The following CLCN6 variants were observed in gnomAD, a reference collection of about 807,000 sequenced individuals.
CLCN6 encodes the protein H(+)/Cl(-) exchange transporter 6.
A neutral mutation model predicts 109.8 loss-of-function variants in CLCN6; 70 were observed. The observed-to-expected ratio is 0.64, with a 90% CI of 0.53 to 0.78. The LOEUF is 0.78. Among genes scored for constraint, CLCN6 ranks in the 30% least tolerant of loss-of-function variants. The probability of loss-of-function intolerance (pLI) is 0.00; values close to 1 mark genes in which losing one functional copy is unlikely to be tolerated. For synonymous variants in CLCN6, 444 were observed against 447.8 expected (o/e 0.99, Z 0.11); for missense variants, 984 against 1,142.3 (o/e 0.86, Z 2.00).
chr1:11,830,896 C>T lies in CLCN6; in HGVS notation c.1248+1574C>T, dbSNP rs556760218. On this transcript the variant is annotated intron_variant, in intron 13 of 22. Coordinates refer to ENST00000346436, the MANE Select transcript of CLCN6 (RefSeq NM_001286.5). ...TTACCCAGGCCGGAGTGCAGTGGCG[C>T]GATCTTGGCCCACTGCAACTTCCGC... 5.9e-5 allele frequency among the ~76,000 whole-genome samples: 9 copies of T among 151,922 alleles called. No individual in the cohort carries two copies. In the South Asian group the frequency reaches 8.3e-4, roughly 14 times the overall value.
chr1:11,820,460 A>C (rs887519286), intron 5 of CLCN6: 7 of 700,488 alleles, frequency 1.0e-5, no homozygotes, highest in Non-Finnish European at 1.8e-5. Flanking sequence ...CAGAAGGCAC[A>C]GACTATAAGA....
chr1:11,815,414 G>T (rs1191406686), intron 2 of CLCN6, among the ~76,000 whole-genome samples: 1 of 152,144 alleles, frequency 6.6e-6, no homozygotes, highest in African/African-American at 2.4e-5. Flanking sequence ...GTTTGTTTTT[G>T]AAACGGAGTC....
At chr1:11,808,729 G>A (rs1375693542) in intron 2 of CLCN6, among the ~76,000 whole-genome samples, 1 of 149,826 alleles carries the variant, frequency 6.7e-6, no homozygotes, top group Non-Finnish European at 1.5e-5. Flanking sequence ...TAGGACCTGG[G>A]ATTTTCTACT....
chr1:11,828,196 T>C lies in CLCN6; in HGVS notation c.931T>C (p.Leu311=). Residue 311 remains leucine (L), a synonymous_variant, in exon 11 of 23, where the codon TTG becomes CTG. Transcript: ENST00000346436. Reference sequence around the variant, plus strand: ...CTGGGGTTCCTTCCAGCTCCCTGGATTGCTGAACTTTGGCGAGTTTAAGGT... The same window carrying C: ...CTGGGGTTCCTTCCAGCTCCCTGGACTGCTGAACTTTGGCGAGTTTAAGGT... ...GSWGSFQLPG[L]LNFGEFKCSD... is the part of the protein sequence containing the mutation. 5 of 1,614,046 alleles carry C rather than the reference T, an allele frequency of 3.1e-6. No individual in the cohort carries two copies. The highest frequency in any genetic ancestry group is 4.2e-6 in the Non-Finnish European group (5 of 1,179,904).
At position 11,829,289 on chromosome 1, in the gene CLCN6, G is replaced by A. The variant is rs374880026; in HGVS notation, c.1215G>A (p.Ser405=). The change falls in exon 13 of 23, where the codon TCG becomes TCA. Residue 405 remains serine, a synonymous_variant. Transcript: ENST00000346436. ...GAGAATGCCGACAGATGTCCTCTTC[G>A]AGTCAAATCGGTAATGACTCATTCC... The part of the protein sequence containing the change: ...VLGECRQMSS[S]SQIGNDSFQL... 9.9e-6 allele frequency: 16 copies of A among 1,614,006 alleles called. No individual in the cohort carries two copies. The highest frequency in any genetic ancestry group is 1.3e-5 in the Non-Finnish European group (15 of 1,180,012).
intron 18 of CLCN6, among the ~76,000 whole-genome samples, chr1:11,836,580 T>C (rs534697058): frequency 1.9e-3 from 285 of 152,228 alleles, no homozygotes; most frequent in African/African-American, 6.6e-3. Context: ...CTAGCAGACA[T>C]CCCTTGGGTA....
At chr1:11,811,069 G>A (rs941099131) in intron 2 of CLCN6, among the ~76,000 whole-genome samples, 3 of 151,998 alleles carry the variant, frequency 2.0e-5, no homozygotes, top group South Asian at 2.1e-4. Context: ...AAAAATTAAC[G>A]AGGTGTGGTG....
Position 11,822,739 on chromosome 1 carries a change from C to A in CLCN6, c.391C>A (p.Leu131Ile), listed in dbSNP as rs909779098. 6.2e-7 allele frequency: 1 copy of A among 1,614,008 alleles called. No individual in the cohort carries two copies. Among genetic ancestry groups the A allele is most frequent in the African/African-American group, 1.3e-5 (1 of 74,926 alleles). The change falls in exon 6 of 23, where the codon CTT becomes ATT. Residue 131 changes from leucine to isoleucine, a missense_variant. Physicochemically the swap from Leu to Ile is conservative, Grantham distance 5. Coordinates refer to ENST00000346436, the MANE Select transcript of CLCN6 (RefSeq NM_001286.5). ...GAAAGGCTGCCTCGCTCTGTCTCTCCTTGAACTCCTGGGTTTTAACCTCAC... is the reference window on the plus strand; with the variant it reads ...GAAAGGCTGCCTCGCTCTGTCTCTCATTGAACTCCTGGGTTTTAACCTCAC... ...SQKGCLALSL[L>I]ELLGFNLTFV...
At chr1:11,830,688 C>T (rs1050807030) in intron 13 of CLCN6, among the ~76,000 whole-genome samples, 2 of 147,122 alleles carry the variant, frequency 1.4e-5, no homozygotes, top group Non-Finnish European at 3.0e-5. Flanking sequence ...CCATTGGGGC[C>T]CTTGTCTTGG....
chr1:11,826,787 G>A (rs539421684), intron 9 of CLCN6, among the ~76,000 whole-genome samples: 101 of 152,262 alleles, frequency 6.6e-4, no homozygotes, highest in Non-Finnish European at 1.3e-3. Context: ...TGATCGTGCC[G>A]ATCTTTGATC....
At chr1:11,825,588 CA>C (rs765331739) in intron 8 of CLCN6, among the ~76,000 whole-genome samples, 6 of 152,202 alleles carry the variant, frequency 3.9e-5, no homozygotes, top group Non-Finnish European at 7.3e-5. Context: ...AAGCTCCTCC[CA>C]AGGGTGGGGG....
rs1644966427 is a variant in CLCN6, at chr1:11,837,552, G to A, written c.2295+53G>A. On this transcript the variant is annotated intron_variant, in intron 20 of 22. Coordinates refer to ENST00000346436, the MANE Select transcript of CLCN6 (RefSeq NM_001286.5). ...CAGGCCAGACCTGACGAAGCTCGAG[G>A]GGTTGGGCGCTGCCGGCGGGCCGTG... The A allele has an allele frequency of 1.1e-5, 18 of 1,578,670 alleles. No individual in the cohort carries two copies. The Admixed American group carries it at 2.9e-4, about 25-fold the overall frequency.
chr1:11,809,455 GTTC>G (rs1644568612), intron 2 of CLCN6, among the ~76,000 whole-genome samples: 4 of 152,022 alleles, frequency 2.6e-5, no homozygotes, highest in Admixed American at 2.0e-4. Flanking sequence ...AATTTTTGTT[GTTC>G]TTGTCATTGT....
In CLCN6 at chr1:11,814,860, G is replaced by A. The variant is rs550580880; in HGVS notation, c.148-986G>A. On this transcript the variant is annotated intron_variant, in intron 2 of 22. Transcript: ENST00000346436. ...ATCCTGGCTAACACGGTGAAATCCC[G>A]TCTCTACTAAAAATACAAAAAAATT... 1.8e-4 allele frequency among the ~76,000 whole-genome samples: 27 copies of A among 151,920 alleles called. 1 individual carries two copies. The East Asian group carries it at 5.1e-3, about 29-fold the overall frequency.
intron 7 of CLCN6, 92 bp from the exon 8 acceptor site, chr1:11,824,394 G>C: frequency 1.1e-6 from 1 of 935,618 alleles, no homozygotes; most frequent in East Asian, 2.5e-5. Context: ...TCTCTGTTCA[G>C]TTGTCACGAG....
At chr1:11,815,476 A>G (rs984790928) in intron 2 of CLCN6, among the ~76,000 whole-genome samples, 11 of 151,842 alleles carry the variant, frequency 7.2e-5, no homozygotes, top group Admixed American at 6.6e-5. Flanking sequence ...GCTCACCACA[A>G]CCTCCACCTC....
chr1:11,833,704 C>T (rs1016735800), intron 14 of CLCN6, 66 bp downstream of exon 14: 18 of 1,602,724 alleles, frequency 1.1e-5, no homozygotes, highest in African/African-American at 2.7e-5. Context: ...CCAGGCTTGC[C>T]CTTCATTCCA....
rs1323312095 is a variant in CLCN6, at chr1:11,815,874, A to G, written c.176A>G (p.Asp59Gly). The change falls in exon 3 of 23, where the codon GAC becomes GGC. Residue 59 changes from aspartate to glycine, a missense_variant. Transcript: ENST00000346436. ...TTGGATTATGATCGCTGTATCAATG[A>G]CCCTTACCTGGAAGTTTTGGAGACC... is the stretch of plus-strand genomic sequence containing the variant. ...ESLDYDRCIN[D>G]PYLEVLETMD... is the part of the protein sequence containing the mutation. 1.2e-6 allele frequency: 2 copies of G among 1,613,838 alleles called. No individual in the cohort carries two copies. The highest frequency in any genetic ancestry group is 2.7e-5 in the African/African-American group (2 of 74,922).
chr1:11,833,228 C>T (rs532291844), intron 13 of CLCN6, among the ~76,000 whole-genome samples: 12 of 152,096 alleles, frequency 7.9e-5, no homozygotes, highest in South Asian at 6.2e-4. Context: ...AAGTTAGCAC[C>T]GGGAGAGGAA....
Sources: gnomAD v4.1 joint callset for allele counts (sites outside exome capture counted in the v4.1 genomes callset) on GRCh38, gnomAD v4.1.1 for gene constraint, MANE v1.5 for transcripts, NCBI Gene and HGNC (gene_info 2026-07-23, HGNC 2026-07-21) for gene names.